Variants in SYNE1 observed in about 807,000 individuals in gnomAD.
SYNE1 encodes spectrin repeat containing nuclear envelope protein 1, also known as nesprin-1.
In SYNE1, 616 loss-of-function variants were observed where a neutral mutation model predicts 1,111.0. That is an observed-to-expected ratio of 0.55 (90% CI 0.52 to 0.59). The LOEUF is 0.59. Ranked by LOEUF, SYNE1 falls within the 20% of genes least tolerant of loss-of-function variation. The pLI is 0.00. For synonymous variants in SYNE1, 3,855 were observed against 3,825.8 expected (o/e 1.01, Z -0.28); for missense variants, 10,006 against 10,417.0 (o/e 0.96, Z 1.72).
At chr6:152,481,690 T>C in intron 14 of SYNE1, 1 of 348,296 alleles carries the variant, frequency 2.9e-6, no homozygotes, top group Non-Finnish European at 5.7e-6. Context: ...TGTAATACTA[T>C]TTTCACACTT....
intron 106 of SYNE1, among the ~76,000 whole-genome samples, chr6:152,242,954 T>A (rs2086126811): frequency 6.6e-6 from 1 of 152,070 alleles, no homozygotes; most frequent in Admixed American, 6.6e-5. Context: ...TTTAGATTGA[T>A]TACAAAATAA....
intron 29 of SYNE1, among the ~76,000 whole-genome samples, chr6:152,446,108 A>ATT (rs11351100): frequency 1.1e-4 from 14 of 129,498 alleles, no homozygotes; most frequent in Non-Finnish European, 1.1e-4. Flanking sequence ...AAGACAGTCA[A>ATT]TTTTTTTTTT....
At chr6:152,505,042 A>T (rs1273955354) in intron 9 of SYNE1, among the ~76,000 whole-genome samples, 159 bp downstream of exon 9, 1 of 152,240 alleles carries the variant, frequency 6.6e-6, no homozygotes, top group Non-Finnish European at 1.5e-5. Flanking sequence ...GTAGATATTT[A>T]TCCAGAAGAA....
At chr6:152,489,691 T>C (rs1378748829) in intron 11 of SYNE1, among the ~76,000 whole-genome samples, 1 of 152,162 alleles carries the variant, frequency 6.6e-6, no homozygotes, top group Non-Finnish European at 1.5e-5. Context: ...TTCCCTTGGA[T>C]AATGCCTTTT....
At chr6:152,210,105 T>G (rs1480102201) in intron 124 of SYNE1, among the ~76,000 whole-genome samples, 1 of 152,220 alleles carries the variant, frequency 6.6e-6, no homozygotes, top group Non-Finnish European at 1.5e-5. Flanking sequence ...CTAAAAAACG[T>G]AACTCATAAA....
chr6:152,325,789 T>C (rs1443256162), intron 80 of SYNE1, among the ~76,000 whole-genome samples, 169 bp downstream of exon 80: 1 of 152,228 alleles, frequency 6.6e-6, no homozygotes, highest in African/African-American at 2.4e-5. Flanking sequence ...ATGGGAATCC[T>C]AAAAGGTAAT....
At chr6:152,561,075 C>T (rs1361582676) in intron 3 of SYNE1, among the ~76,000 whole-genome samples, 1 of 152,016 alleles carries the variant, frequency 6.6e-6, no homozygotes, top group African/African-American at 2.4e-5. Flanking sequence ...CTACCCAAAT[C>T]AATTAAGCAA....
In SYNE1 at chr6:152,347,123, T is replaced by C. The variant is rs1435619297; in HGVS notation, c.12014A>G (p.Asn4005Ser). 1 of 1,614,198 alleles carries C rather than the reference T, an allele frequency of 6.2e-7. No individual in the cohort carries two copies. Among genetic ancestry groups the C allele is most frequent in the Admixed American group, 1.7e-5 (1 of 60,022 alleles). Residue 4005 changes from asparagine (N) to serine (S), a missense_variant, in exon 73 of 146, where the codon AAC (asparagine) becomes AGC (serine). Asn to Ser is a conservative substitution (Grantham distance 46). This residue lies in a region of SYNE1 where 4,955 missense variants were observed against 5,017.2 expected (regional missense o/e 0.99). Transcript: ENST00000367255. Reference sequence around the variant, plus strand: ...TGTGCCCTGCAGATGAGCATGCACGTTTTGTTTAAGTTTCGCTTGCAGGTG... The same window carrying C: ...TGTGCCCTGCAGATGAGCATGCACGCTTTGTTTAAGTTTCGCTTGCAGGTG... ...ADHLQAKLKQ[N>S]VHAHLQGTKD...
Position 152,262,201 on chromosome 6 carries a change from T to C in SYNE1, c.18816-13A>G, listed in dbSNP as rs2092095863. 1.2e-6 allele frequency: 2 copies of C among 1,612,460 alleles called. No homozygotes were observed. The highest frequency in any genetic ancestry group is 1.7e-6 in the Non-Finnish European group (2 of 1,179,196). ...ATCAGGTTTTTCGCTATTAGAAGAA[T>C]AAATAATCTAAGTTTACAATGTGCA... On this transcript the variant is annotated splice_polypyrimidine_tract_variant and intron_variant, in intron 100 of 145. Transcript: ENST00000367255.
intron 73 of SYNE1, among the ~76,000 whole-genome samples, chr6:152,346,610 A>G (rs1462781139): frequency 1.3e-5 from 2 of 151,374 alleles, no homozygotes; most frequent in Admixed American, 6.6e-5. Context: ...GGAGATCGAA[A>G]CCATCCTGGC....
At chr6:152,543,640 C>T (rs989496524) in intron 3 of SYNE1, among the ~76,000 whole-genome samples, 3 of 152,196 alleles carry the variant, frequency 2.0e-5, no homozygotes, top group African/African-American at 7.2e-5. Context: ...TCATGCACTG[C>T]ATAATGATTT....
chr6:152,318,479 A>G, intron 85 of SYNE1: 2 of 622,552 alleles, frequency 3.2e-6, no homozygotes, highest in East Asian at 5.7e-5. Flanking sequence ...CTGAGTGAGA[A>G]GGCTAACATT....
rs150085071 is a variant in SYNE1 at position 152,173,906 on chromosome 6, C to T, written c.23627+2488G>A. Among the ~76,000 whole-genome samples the T allele has an allele frequency of 1.2e-4, 19 of 152,166 alleles. No homozygotes were observed. The East Asian group carries it at 3.7e-3, about 29-fold the overall frequency. ...TTAATATGTCTTTTGGCAAAGTAAACAATTAATATCTAGAAAACTCTCCAC... is the reference window on the plus strand; with the variant it reads ...TTAATATGTCTTTTGGCAAAGTAAATAATTAATATCTAGAAAACTCTCCAC... On this transcript the variant is annotated intron_variant, in intron 130 of 145. Transcript: ENST00000367255.
chr6:152,376,763 G>A lies in SYNE1; in HGVS notation c.9146+13C>T, dbSNP rs1359526899. The A allele has an allele frequency of 6.2e-7, 1 of 1,613,388 alleles. No individual in the cohort carries two copies. ...ATAAAAATATCTTGAACACCAATAA[G>A]GTTCATGCTCACCAATTATACTCTT... On this transcript the variant is annotated intron_variant, in intron 57 of 145. Transcript: ENST00000367255.
intron 86 of SYNE1, among the ~76,000 whole-genome samples, 156 bp from the exon 87 acceptor site, chr6:152,317,142 A>T (rs184777456): frequency 6.6e-6 from 1 of 152,222 alleles, no homozygotes; most frequent in East Asian, 1.9e-4. Flanking sequence ...TCCCTGTTAA[A>T]ATCTGTCAAA....
intron 4 of SYNE1, among the ~76,000 whole-genome samples, chr6:152,534,919 G>C (rs1451123670): frequency 6.6e-6 from 1 of 152,178 alleles, no homozygotes; most frequent in African/African-American, 2.4e-5. Context: ...CCTTTTAAAA[G>C]ACTGTATGCA....
At chr6:152,531,156 T>A (rs962030867) in intron 4 of SYNE1, among the ~76,000 whole-genome samples, 1 of 152,108 alleles carries the variant, frequency 6.6e-6, no homozygotes, top group African/African-American at 2.4e-5. Context: ...GCCAACAAGA[T>A]GCTGTAAAGT....
At position 152,539,523 on chromosome 6, in the gene SYNE1, A is replaced by G. The variant is rs188828923; in HGVS notation, c.129+437T>C. Among the ~76,000 whole-genome samples, 93 of 152,274 alleles carry G rather than the reference A, an allele frequency of 6.1e-4. 1 individual carries two copies. Among genetic ancestry groups the G allele is most frequent in the Admixed American group, 1.6e-3 (25 of 15,300 alleles). ...CCTATTACCATGGTTACTTTTTTAAATCAAAGCACCAGAGATGAGAGCACT... is the reference window on the plus strand; with the variant it reads ...CCTATTACCATGGTTACTTTTTTAAGTCAAAGCACCAGAGATGAGAGCACT... On this transcript the variant is annotated intron_variant, in intron 4 of 145. Transcript: ENST00000367255.
At chr6:152,318,313 C>A (rs938598886) in intron 85 of SYNE1, 50 bp from the exon 86 acceptor site, 1 of 1,604,392 alleles carries the variant, frequency 6.2e-7, no homozygotes, top group Non-Finnish European at 8.5e-7. Flanking sequence ...AAATAAATTT[C>A]TCCAGGTTTC....
Sources: gnomAD v4.1 joint callset for allele counts (sites outside exome capture counted in the v4.1 genomes callset) on GRCh38, gnomAD v4.1.1 for gene constraint, gnomAD v4.1.1 regional missense constraint, MANE v1.5 for transcripts, NCBI Gene and HGNC (gene_info 2026-07-23, HGNC 2026-07-21) for gene names.